Variants in MACROD2 observed in about 807,000 individuals in gnomAD.
The protein encoded by MACROD2 is ADP-ribose glycohydrolase MACROD2.
In MACROD2, 36 loss-of-function variants were observed where a neutral mutation model predicts 70.4. That is an observed-to-expected ratio of 0.51 (90% CI 0.39 to 0.68). MACROD2 has a LOEUF of 0.68. Ranked by LOEUF, MACROD2 falls within the 30% of genes least tolerant of loss-of-function variation. The pLI, the probability that MACROD2 is intolerant of heterozygous loss-of-function variation, is 0.00. For missense variants in MACROD2, 496 were observed against 538.4 expected, an observed-to-expected ratio of 0.92 and a Z score of 0.78; for synonymous variants, 172 against 178.8, an observed-to-expected ratio of 0.96 and a Z score of 0.30.
intron 5 of MACROD2, among the ~76,000 whole-genome samples, chr20:15,090,822 A>C (rs937521664): frequency 6.6e-6 from 1 of 152,104 alleles, no homozygotes; most frequent in Admixed American, 6.6e-5. Flanking sequence ...AGCCTGGTGA[A>C]GTGGACGGAG....
chr20:14,521,246 T>A (rs1422740130), intron 4 of MACROD2, among the ~76,000 whole-genome samples: 1 of 152,222 alleles, frequency 6.6e-6, no homozygotes, highest in Non-Finnish European at 1.5e-5. Flanking sequence ...CAAAAGCCTC[T>A]GTTGTTTCTA....
At chr20:14,119,048 A>G (rs190420047) in intron 3 of MACROD2, among the ~76,000 whole-genome samples, 3 of 150,466 alleles carry the variant, frequency 2.0e-5, no homozygotes, top group Non-Finnish European at 3.0e-5. Context: ...GGATTTCACC[A>G]TGTTGGCCAG....
intron 5 of MACROD2, among the ~76,000 whole-genome samples, chr20:15,062,457 C>T (rs1345473733): frequency 4.0e-5 from 6 of 151,856 alleles, no homozygotes; most frequent in African/African-American, 1.2e-4. Context: ...GCTTCCAAAC[C>T]GCCTCCATTT....
intron 3 of MACROD2, among the ~76,000 whole-genome samples, chr20:14,409,405 A>G (rs1271349396): frequency 6.7e-6 from 1 of 150,308 alleles, no homozygotes; most frequent in Non-Finnish European, 1.5e-5. Flanking sequence ...TTATCCTCTC[A>G]TGAAACCCTA....
intron 8 of MACROD2, among the ~76,000 whole-genome samples, chr20:15,851,618 C>A (rs984037209): frequency 2.0e-5 from 3 of 152,140 alleles, no homozygotes; most frequent in African/African-American, 4.8e-5. Flanking sequence ...TAGTCACATT[C>A]TGAGATACTG....
intron 8 of MACROD2, among the ~76,000 whole-genome samples, chr20:15,564,981 T>C (rs193057770): frequency 1.1e-4 from 16 of 152,338 alleles, no homozygotes; most frequent in African/African-American, 3.8e-4. Context: ...CCTTTAAATT[T>C]TGCCAGTTTT....
intron 3 of MACROD2, among the ~76,000 whole-genome samples, chr20:14,420,643 G>A (rs562549170): frequency 7.9e-5 from 12 of 152,164 alleles, no homozygotes; most frequent in African/African-American, 2.6e-4. Context: ...TAAGATAGAT[G>A]ATTTGCAAAT....
At chr20:15,494,901 A>G (rs955198061) in intron 7 of MACROD2, among the ~76,000 whole-genome samples, 1 of 152,220 alleles carries the variant, frequency 6.6e-6, no homozygotes, top group Non-Finnish European at 1.5e-5. Context: ...AATTTTATGA[A>G]TCTATGCTAA....
At position 14,785,351 on chromosome 20, in the gene MACROD2, C is replaced by T. The variant is rs576847786; in HGVS notation, c.418+100392C>T. The stretch of plus-strand genomic sequence containing the variant: ...TGTTTCCCACCCATTTCTATGTTTG[C>T]ACACTTGTAAGCTAATCTAATTTAA... On this transcript the variant is annotated intron_variant, in intron 5 of 17. Coordinates refer to ENST00000684519, the MANE Select transcript of MACROD2 (RefSeq NM_001351661.2). Among the ~76,000 whole-genome samples the T allele has an allele frequency of 3.9e-5, 6 of 152,032 alleles. No individual in the cohort carries two copies. The South Asian group carries it at 1.2e-3, about 32-fold the overall frequency.
At chr20:15,942,385 C>T (rs183742776) in intron 12 of MACROD2, among the ~76,000 whole-genome samples, 1 of 152,256 alleles carries the variant, frequency 6.6e-6, no homozygotes, top group Non-Finnish European at 1.5e-5. Context: ...AAAGATTTGG[C>T]AACCAGGATT....
intron 3 of MACROD2, among the ~76,000 whole-genome samples, chr20:14,490,269 G>C (rs565236935): frequency 6.6e-6 from 1 of 152,176 alleles, no homozygotes; most frequent in Admixed American, 6.5e-5. Context: ...ACTTGTTTAG[G>C]GTATTGGAAA....
intron 5 of MACROD2, among the ~76,000 whole-genome samples, chr20:14,704,700 C>T (rs1473697002): frequency 6.6e-6 from 1 of 152,146 alleles, no homozygotes; most frequent in Non-Finnish European, 1.5e-5. Context: ...CCACAGCCTT[C>T]GAAGTTTCTT....
intron 6 of MACROD2, among the ~76,000 whole-genome samples, chr20:15,238,623 A>T (rs2077034666): frequency 6.6e-6 from 1 of 152,178 alleles, no homozygotes; most frequent in Admixed American, 6.5e-5. Context: ...TTACTTTAGG[A>T]CCGTGATCAA....
At chr20:14,590,177 A>G (rs968518812) in intron 4 of MACROD2, among the ~76,000 whole-genome samples, 1 of 152,178 alleles carries the variant, frequency 6.6e-6, no homozygotes, top group Non-Finnish European at 1.5e-5. Context: ...AATGCTTTTG[A>G]TCATGAAAAG....
At chr20:15,127,365 A>G (rs1460666262) in intron 5 of MACROD2, among the ~76,000 whole-genome samples, 2 of 152,144 alleles carry the variant, frequency 1.3e-5, no homozygotes, top group Non-Finnish European at 2.9e-5. Context: ...AAATTGCATT[A>G]GTTATCTACT....
chr20:15,435,125 AT>A (rs1257835708), intron 7 of MACROD2, among the ~76,000 whole-genome samples: 3 of 152,082 alleles, frequency 2.0e-5, no homozygotes, highest in Admixed American at 1.3e-4. Flanking sequence ...CCACCAAAGA[AT>A]TTTTGCATGT....
intron 4 of MACROD2, among the ~76,000 whole-genome samples, chr20:14,660,958 T>C (rs887692461): frequency 1.3e-5 from 2 of 152,124 alleles, no homozygotes; most frequent in Non-Finnish European, 2.9e-5. Context: ...CTACCATTGA[T>C]GGGCACTGGG....
intron 3 of MACROD2, among the ~76,000 whole-genome samples, chr20:14,218,519 T>C (rs190652346): frequency 2.0e-5 from 3 of 152,370 alleles, no homozygotes; most frequent in Admixed American, 1.3e-4. Flanking sequence ...AATGTTAGTA[T>C]TGAAATGTGA....
At position 15,217,464 on chromosome 20, in the gene MACROD2, G is replaced by A. The variant is rs118083244; in HGVS notation, c.419-12476G>A. Among the ~76,000 whole-genome samples the A allele has an allele frequency of 3.5e-3, 526 of 152,256 alleles. 2 individuals are homozygous for A. Among genetic ancestry groups the A allele is most frequent in the Non-Finnish European group, 6.4e-3 (436 of 68,006 alleles). ...GTGAGTGAGTGGAGTGTGCTGTTGGGTTATGGAGACTTGTTTTTCTTGCTC... is the reference window on the plus strand; with the variant it reads ...GTGAGTGAGTGGAGTGTGCTGTTGGATTATGGAGACTTGTTTTTCTTGCTC... On this transcript the variant is annotated intron_variant, in intron 5 of 17. Transcript: ENST00000684519.
Sources: gnomAD v4.1 joint callset for allele counts (sites outside exome capture counted in the v4.1 genomes callset) on GRCh38, gnomAD v4.1.1 for gene constraint, MANE v1.5 for transcripts, NCBI Gene and HGNC (gene_info 2026-07-23, HGNC 2026-07-21) for gene names.